PTPN9: variants seen among roughly 807,000 people sequenced by gnomAD.
PTPN9 encodes protein tyrosine phosphatase non-receptor type 9.
Under a neutral mutation model 69.8 loss-of-function variants are expected in PTPN9, and 26 were observed. The ratio of observed to expected loss-of-function variants is 0.37; its 90% CI spans 0.27 to 0.52. The LOEUF (loss-of-function observed/expected upper bound fraction) is 0.52. Among genes scored for constraint, PTPN9 ranks in the 20% least tolerant of loss-of-function variants. PTPN9 has a pLI of 0.91. For missense variants in PTPN9, 549 were observed against 740.3 expected (o/e 0.74, Z 3.00); for synonymous variants, 274 against 272.5 (o/e 1.01, Z -0.05).
At chr15:75,480,388 A>G (rs2074622115) in intron 8 of PTPN9, among the ~76,000 whole-genome samples, 1 of 152,132 alleles carries the variant, frequency 6.6e-6, no homozygotes, top group Non-Finnish European at 1.5e-5. Context: ...GTGGATCACG[A>G]GGTCAGGAGA....
intron 8 of PTPN9, among the ~76,000 whole-genome samples, chr15:75,488,443 A>G (rs1378587417): frequency 2.0e-5 from 3 of 152,052 alleles, no homozygotes. Flanking sequence ...AGATAATAAT[A>G]ATTTAGTCAT....
rs2074528337 is a variant in PTPN9 at position 75,464,309 on chromosome 15, T to TG, written c.*4459dup. The TG allele has an allele frequency of 6.7e-6, 1 of 148,610 alleles. No individual in the cohort carries two copies. Among genetic ancestry groups the TG allele is most frequent in the South Asian group, 2.1e-4 (1 of 4,776 alleles). 9.2% of individuals were successfully genotyped at this position (148,610 alleles called of 1,614,324 possible). A position where few individuals can be genotyped will look rare whatever the true frequency, so the allele number is the denominator to read the frequency against. On this transcript the variant is annotated 3_prime_UTR_variant, in exon 13 of 13. Transcript: ENST00000618819. Reference sequence around the variant, plus strand: ...AGAGAGAGAGAAAAAAAAAAAAAGCTGGGTTCCTGCTTGAGCCCAGTTGTT... The same window carrying TG: ...AGAGAGAGAGAAAAAAAAAAAAAGCTGGGGTTCCTGCTTGAGCCCAGTTGTT...
chr15:75,507,459 A>G (rs2074825517), intron 6 of PTPN9, among the ~76,000 whole-genome samples: 1 of 150,814 alleles, frequency 6.6e-6, no homozygotes. Flanking sequence ...AAAAAAAAAA[A>G]AAAAAAGAAA....
At chr15:75,507,948 C>T (rs2074828164) in intron 6 of PTPN9, among the ~76,000 whole-genome samples, 1 of 141,932 alleles carries the variant, frequency 7.0e-6, no homozygotes, top group South Asian at 2.2e-4. Flanking sequence ...GAGGCTGAGG[C>T]AGAAGAATCG....
intron 8 of PTPN9, among the ~76,000 whole-genome samples, chr15:75,486,864 A>C (rs1460581047): frequency 6.8e-6 from 1 of 146,376 alleles, no homozygotes; most frequent in African/African-American, 2.5e-5. Flanking sequence ...GGCTTACTGC[A>C]AGCTCCGCCT....
At chr15:75,481,833 G>C (rs1460917066) in intron 8 of PTPN9, among the ~76,000 whole-genome samples, 1 of 131,886 alleles carries the variant, frequency 7.6e-6, no homozygotes, top group Non-Finnish European at 1.7e-5. Flanking sequence ...AGGGAGGTGG[G>C]GGGGGGTCAG....
At chr15:75,511,405 ATTTTGTAT>A (rs1378385699) in intron 5 of PTPN9, among the ~76,000 whole-genome samples, 1 of 152,030 alleles carries the variant, frequency 6.6e-6, no homozygotes, top group Non-Finnish European at 1.5e-5. Flanking sequence ...TGCCTGTCTA[ATTTTGTAT>A]TTTTGTAGAA....
At chr15:75,562,399 TA>T (rs1414426107) in intron 1 of PTPN9, among the ~76,000 whole-genome samples, 1 of 152,078 alleles carries the variant, frequency 6.6e-6, no homozygotes, top group African/African-American at 2.4e-5. Flanking sequence ...CAGGGAGAGC[TA>T]TCTCTGGGGT....
At chr15:75,469,647 T>C in intron 12 of PTPN9, 145 bp downstream of exon 12, 1 of 867,268 alleles carries the variant, frequency 1.2e-6, no homozygotes, top group East Asian at 2.6e-5. Context: ...AAAAGGACAT[T>C]AGATGAGGGA....
At chr15:75,572,501 G>A (rs2075152614) in intron 1 of PTPN9, among the ~76,000 whole-genome samples, 1 of 151,946 alleles carries the variant, frequency 6.6e-6, no homozygotes, top group Non-Finnish European at 1.5e-5. Context: ...CTTGAGATCA[G>A]GAGTTGGAGA....
intron 8 of PTPN9, chr15:75,480,831 GGAGCAGCC>G (rs1344724948): frequency 5.2e-6 from 2 of 382,452 alleles, no homozygotes; most frequent in African/African-American, 4.5e-5. Context: ...CCGAGGGCAA[GGAGCAGCC>G]GCCTGCCTTG....
intron 9 of PTPN9, among the ~76,000 whole-genome samples, chr15:75,479,313 G>GA (rs200429411): frequency 1.3e-4 from 20 of 150,530 alleles, no homozygotes; most frequent in South Asian, 6.3e-4. Flanking sequence ...TTTCAAAGGA[G>GA]AAAAAAAAAT....
intron 5 of PTPN9, among the ~76,000 whole-genome samples, chr15:75,515,189 A>G (rs1051051727): frequency 3.9e-5 from 6 of 152,072 alleles, no homozygotes; most frequent in African/African-American, 1.4e-4. Flanking sequence ...GCACTTTGGG[A>G]GGCTGAGGCG....
chr15:75,515,441 A>AG (rs1012536004), intron 5 of PTPN9, among the ~76,000 whole-genome samples: 5 of 151,266 alleles, frequency 3.3e-5, no homozygotes, highest in African/African-American at 1.2e-4. Context: ...AAAAAAAAAA[A>AG]AAAAAGAAAT....
intron 1 of PTPN9, among the ~76,000 whole-genome samples, chr15:75,562,704 C>A (rs912189848): frequency 2.8e-5 from 4 of 143,998 alleles, no homozygotes; most frequent in Non-Finnish European, 4.5e-5. Context: ...TGGTGGCGGG[C>A]GCCCGTAGTC....
At chr15:75,535,501 T>A (rs533672371) in intron 1 of PTPN9, among the ~76,000 whole-genome samples, 24 of 152,160 alleles carry the variant, frequency 1.6e-4, no homozygotes, top group African/African-American at 5.5e-4. Context: ...GAGGTCTCAA[T>A]ACAATAAAGA....
At chr15:75,538,146 G>C (rs1053441084) in intron 1 of PTPN9, among the ~76,000 whole-genome samples, 1 of 152,094 alleles carries the variant, frequency 6.6e-6, no homozygotes, top group African/African-American at 2.4e-5. Context: ...TCCGAGGAAT[G>C]TAAAGACTTG....
chr15:75,578,671 G>T, intron 1 of PTPN9, 43 bp downstream of exon 1: 1 of 1,323,500 alleles, frequency 7.6e-7, no homozygotes, highest in South Asian at 1.9e-5. Context: ...GTAGGCCTCG[G>T]GGGCCCGGAC....
intron 1 of PTPN9, among the ~76,000 whole-genome samples, chr15:75,546,698 A>G (rs2075034799): frequency 6.6e-6 from 1 of 152,020 alleles, no homozygotes; most frequent in Admixed American, 6.6e-5. Context: ...TGGATATCAC[A>G]TTTAACTTAA....
Sources: gnomAD v4.1 joint callset for allele counts (sites outside exome capture counted in the v4.1 genomes callset) on GRCh38, gnomAD v4.1.1 for gene constraint, MANE v1.5 for transcripts, NCBI Gene and HGNC (gene_info 2026-07-23, HGNC 2026-07-21) for gene names.